Variants in APIP observed in about 807,000 individuals in gnomAD.
The protein encoded by APIP is APAF1 interacting protein, also known as methylthioribulose-1-phosphate dehydratase.
A neutral mutation model predicts 32.0 loss-of-function variants in APIP; 32 were observed. The observed-to-expected ratio is 1.00, with a 90% CI of 0.76 to 1.34. The LOEUF is 1.34. Among genes scored for constraint, APIP ranks in the 40% most tolerant of loss-of-function variants. The pLI, the probability that APIP is intolerant of heterozygous loss-of-function variation, is 0.00. For synonymous variants in APIP, 92 were observed against 94.8 expected (o/e 0.97, Z 0.17); for missense variants, 247 against 298.6 (o/e 0.83, Z 1.27).
chr11:34,898,684 C>G (rs988002624), intron 1 of APIP, among the ~76,000 whole-genome samples: 1 of 151,950 alleles, frequency 6.6e-6, no homozygotes, highest in African/African-American at 2.4e-5. Context: ...CCGCTCCCAC[C>G]CAGAGTGAGC....
intron 1 of APIP, among the ~76,000 whole-genome samples, chr11:34,905,739 C>G (rs766180387): frequency 5.3e-5 from 8 of 152,058 alleles, no homozygotes; most frequent in Non-Finnish European, 1.2e-4. Flanking sequence ...TTGGAAGCCC[C>G]GATGGGAGTG....
intron 1 of APIP, among the ~76,000 whole-genome samples, chr11:34,912,259 A>T (rs1309061064): frequency 1.3e-5 from 2 of 152,222 alleles, no homozygotes; most frequent in Non-Finnish European, 2.9e-5. Flanking sequence ...GATAATAAAA[A>T]TTATTGAATG....
rs76827094 is a variant in APIP at position 34,899,833 on chromosome 11, C to T, written c.58-4723G>A. 2.9e-3 allele frequency among the ~76,000 whole-genome samples: 443 copies of T among 152,290 alleles called. 2 individuals carry two copies. The highest frequency in any genetic ancestry group is 0.01 in the African/African-American group (429 of 41,554). ...GAGGGAAAATAGTTGGGGGACGCCC[C>T]CACTGTTTTCTTCTCCACCCTGGGT... On this transcript the variant is annotated intron_variant, in intron 1 of 6. Coordinates refer to ENST00000395787, the MANE Select transcript of APIP (RefSeq NM_015957.4).
rs148874323 is a variant in APIP at position 34,893,726 on chromosome 11, T to C, written c.158+1284A>G. Among the ~76,000 whole-genome samples the C allele has an allele frequency of 1.5e-4, 23 of 152,330 alleles. 1 individual carries two copies. The East Asian group carries it at 4.4e-3, about 29-fold the overall frequency. ...AGAGGAACCTCTTGTCATTTCCCAA[T>C]GTTCAATGAAAATTTCATGAGTTAA... On this transcript the variant is annotated intron_variant, in intron 2 of 6. Transcript: ENST00000395787.
At chr11:34,909,784 G>A (rs1853516958) in intron 1 of APIP, among the ~76,000 whole-genome samples, 1 of 152,160 alleles carries the variant, frequency 6.6e-6, no homozygotes, top group Non-Finnish European at 1.5e-5. Flanking sequence ...ACGGGGAGAA[G>A]GAGAGAAATA....
In APIP at chr11:34,888,733, G is replaced by A. The variant is rs773858985; in HGVS notation, c.325+19C>T. 1.4e-6 allele frequency: 2 copies of A among 1,464,992 alleles called. No homozygotes were observed. Among genetic ancestry groups the A allele is most frequent in the Non-Finnish European group, 1.8e-6 (2 of 1,089,572 alleles). 90.7% of individuals were successfully genotyped at this position (1,464,992 alleles called of 1,614,324 possible). ...CTACTCTGCAAATATTCTTTATGTT[G>A]AATATATTTTCTGCATACCTCTCAT... On this transcript the variant is annotated intron_variant, in intron 4 of 6. Transcript: ENST00000395787.
chr11:34,910,315 C>T (rs891563839), intron 1 of APIP, among the ~76,000 whole-genome samples: 2 of 152,188 alleles, frequency 1.3e-5, no homozygotes, highest in African/African-American at 4.8e-5. Context: ...AGCAAGATCG[C>T]AGTGAGCTTC....
chr11:34,896,940 A>G, intron 1 of APIP: 6 of 548,508 alleles, frequency 1.1e-5, no homozygotes, highest in Non-Finnish European at 1.2e-5. Flanking sequence ...GACCCCACTG[A>G]GGTCTACCTT....
At chr11:34,891,109 G>C (rs1275683809) in intron 2 of APIP, among the ~76,000 whole-genome samples, 1 of 152,026 alleles carries the variant, frequency 6.6e-6, no homozygotes, top group Non-Finnish European at 1.5e-5. Flanking sequence ...CTTCCCATTT[G>C]AAAAGCATAC....
rs1481982077 is a variant in APIP, at chr11:34,888,282, A to G, written c.461+11T>C. The G allele has an allele frequency of 1.4e-6, 2 of 1,431,340 alleles. No individual in the cohort carries two copies. Among genetic ancestry groups the G allele is most frequent in the African/African-American group, 4.5e-5 (2 of 44,506 alleles). The allele number at this position is 1,431,340 out of a possible 1,614,324, so 88.7% of individuals were successfully genotyped here. ...TTTTCAAATTATTTAAGAAAAAGGA[A>G]AAAAAAATACCTATAATACCCTCCG... On this transcript the variant is annotated intron_variant, in intron 5 of 6. Coordinates refer to ENST00000395787, the MANE Select transcript of APIP (RefSeq NM_015957.4).
chr11:34,893,832 GATTATAT>G (rs1853219921), intron 2 of APIP, among the ~76,000 whole-genome samples: 1 of 152,138 alleles, frequency 6.6e-6, no homozygotes. Context: ...CCAATGTTCT[GATTATAT>G]TTTACATTCC....
At chr11:34,890,632 A>G (rs1458833626) in intron 2 of APIP, 80 bp from the exon 3 acceptor site, 30 of 1,444,848 alleles carry the variant, frequency 2.1e-5, no homozygotes, top group African/African-American at 2.8e-5. Flanking sequence ...CCAATCATGC[A>G]TGTTCTTTAT....
chr11:34,898,500 C>G (rs1853315677), intron 1 of APIP, among the ~76,000 whole-genome samples: 1 of 152,126 alleles, frequency 6.6e-6, no homozygotes, highest in South Asian at 2.1e-4. Flanking sequence ...TCCAACAGCC[C>G]ATTTCGGGTT....
rs1429007380 is a variant in APIP, at chr11:34,897,509, CAGAG to C, written c.58-2403_58-2400del. ...GGAGTTATTAAGAAATTATTTTAGA[CAGAG>C]AGGGTAAGGTTGGTAAGGTTTTGTT... On this transcript the variant is annotated intron_variant, in intron 1 of 6. Coordinates refer to ENST00000395787, the MANE Select transcript of APIP (RefSeq NM_015957.4). Among the ~76,000 whole-genome samples, 8 of 101,518 alleles carry C rather than the reference CAGAG, an allele frequency of 7.9e-5. No individual in the cohort carries two copies. In the South Asian group the frequency reaches 1.6e-3, roughly 20 times the overall value. The allele number at this position is 101,518 out of a possible 152,430, so 66.6% of individuals were successfully genotyped here. A position where few individuals can be genotyped will look rare whatever the true frequency, so the allele number is the denominator to read the frequency against.
intron 3 of APIP, among the ~76,000 whole-genome samples, chr11:34,889,997 C>CT (rs34972978): frequency 0.6 from 91,166 of 151,762 alleles, 28,410 homozygotes; most frequent in East Asian, 0.74. Flanking sequence ...AGCAGCTTTT[C>CT]TTTTTTTTCT....
intron 1 of APIP, among the ~76,000 whole-genome samples, chr11:34,902,605 A>G (rs1853385776): frequency 1.3e-5 from 2 of 152,308 alleles, no homozygotes; most frequent in African/African-American, 4.8e-5. Flanking sequence ...AGGATTTTGT[A>G]GACTATGGAT....
In APIP at chr11:34,888,792, G is replaced by T. The variant is rs1205772242; in HGVS notation, c.285C>A (p.Ser95Arg). 1 of 1,517,900 alleles carries T rather than the reference G, an allele frequency of 6.6e-7. No individual in the cohort carries two copies. Among genetic ancestry groups the T allele is most frequent in the South Asian group, 1.4e-5 (1 of 72,606 alleles). The allele number at this position is 1,517,900 out of a possible 1,614,324, so 94.0% of individuals were successfully genotyped here. A position where few individuals can be genotyped will look rare whatever the true frequency, so the allele number is the denominator to read the frequency against. Residue 95 changes from serine to arginine, a missense_variant, in exon 4 of 7, where the codon AGC becomes AGA. Coordinates refer to ENST00000395787, the MANE Select transcript of APIP (RefSeq NM_015957.4). ...CATTCATGAAAAGAGGAGTACACTGGCTTTTTTTTAGCTTCTTCGATGGCG... is the reference window on the plus strand; with the variant it reads ...CATTCATGAAAAGAGGAGTACACTGTCTTTTTTTTAGCTTCTTCGATGGCG... ...GPSPSKKLKK[S>R]QCTPLFMNAY...
chr11:34,911,206 C>T (rs1329264970), intron 1 of APIP, among the ~76,000 whole-genome samples: 4 of 150,324 alleles, frequency 2.7e-5, no homozygotes, highest in African/African-American at 4.9e-5. Context: ...AGTGAGGGGG[C>T]GGTAAAGATG....
chr11:34,887,584 G>A (rs893338399), intron 5 of APIP, among the ~76,000 whole-genome samples: 5 of 152,058 alleles, frequency 3.3e-5, no homozygotes, highest in Non-Finnish European at 4.4e-5. Flanking sequence ...AACTGGCACC[G>A]TTTTCCTCTA....
Sources: gnomAD v4.1 joint callset for allele counts (sites outside exome capture counted in the v4.1 genomes callset) on GRCh38, gnomAD v4.1.1 for gene constraint, MANE v1.5 for transcripts, NCBI Gene and HGNC (gene_info 2026-07-23, HGNC 2026-07-21) for gene names.